TRAK1: variants seen among roughly 807,000 people sequenced by gnomAD.
TRAK1 encodes the protein trafficking kinesin-binding protein 1.
Under a neutral mutation model 92.1 loss-of-function variants are expected in TRAK1, and 33 were observed. The ratio of observed to expected loss-of-function variants is 0.36; its 90% CI spans 0.27 to 0.48. The LOEUF (loss-of-function observed/expected upper bound fraction) is 0.48, where lower values mean the gene tolerates loss of function less well. Among genes scored for constraint, TRAK1 ranks in the 20% least tolerant of loss-of-function variants. The probability of loss-of-function intolerance (pLI) is 0.99; values close to 1 mark genes in which losing one functional copy is unlikely to be tolerated. For missense variants in TRAK1, 1,123 were observed against 1,257.9 expected (o/e 0.89, Z 1.62); for synonymous variants, 521 against 517.3 (o/e 1.01, Z -0.10).
rs1479864065 is a variant in TRAK1, at chr3:42,223,686, C to T, written c.2811C>T (p.Thr937=). The change falls in exon 16 of 16, where the codon ACC becomes ACT. Residue 937 remains threonine (T), a synonymous_variant. Coordinates refer to ENST00000327628, the MANE Select transcript of TRAK1 (RefSeq NM_001042646.3). The surrounding 1 kb of genome is among the most constrained non-coding windows in gnomAD (Gnocchi z 6.1). The part of the protein sequence containing the change: ...SMQMKAPVTL[T]SGILMGAKLS... ...AGATGAAAGCTCCTGTGACTCTCAC[C>T]TCGGGCATCTTGATGGGTGCTAAGC... The T allele has an allele frequency of 1.2e-6, 2 of 1,613,888 alleles. No homozygotes were observed. Among genetic ancestry groups the T allele is most frequent in the Non-Finnish European group, 8.5e-7 (1 of 1,179,810 alleles).
chr3:42,186,205 C>T (rs1704824514), intron 4 of TRAK1, among the ~76,000 whole-genome samples: 1 of 151,992 alleles, frequency 6.6e-6, no homozygotes, highest in African/African-American at 2.4e-5. Flanking sequence ...TGGTCTCAAA[C>T]TCCTGGGCTC....
chr3:42,193,258 G>A, intron 8 of TRAK1, 53 bp downstream of exon 8: 1 of 1,601,768 alleles, frequency 6.2e-7, no homozygotes, highest in South Asian at 1.1e-5. Flanking sequence ...GCTGAGACGG[G>A]GAAGGGACAT....
intron 1 of TRAK1, among the ~76,000 whole-genome samples, chr3:42,057,771 G>T (rs1028610855): frequency 2.6e-5 from 4 of 152,122 alleles, no homozygotes; most frequent in Non-Finnish European, 5.9e-5. Flanking sequence ...TGCATCTTGG[G>T]CAGGCCACAT....
chr3:42,191,965 G>A (rs866825504), intron 7 of TRAK1, among the ~76,000 whole-genome samples: 1 of 125,700 alleles, frequency 8.0e-6, no homozygotes, highest in Non-Finnish European at 1.6e-5. Context: ...CAGTAGTTGC[G>A]ATCTCGGCTC....
chr3:42,212,716 C>T (rs886948263), intron 14 of TRAK1: 6 of 354,086 alleles, frequency 1.7e-5, no homozygotes, highest in Non-Finnish European at 2.4e-5. Context: ...TCATCTTTTT[C>T]TGTCAGTACT....
chr3:42,202,605 C>T lies in TRAK1; in HGVS notation c.1597C>T (p.Leu533=), dbSNP rs1707783812. ...CCAGGAGCTGGCGGAGAAGGGCGAG[C>T]TGCGCAGCGGCTCCCTCACACCCAC... The part of the protein sequence containing the change: ...KLQELAEKGE[L]RSGSLTPTES... The change falls in exon 13 of 16, where the codon CTG becomes TTG. Residue 533 remains leucine, a synonymous_variant. Coordinates refer to ENST00000327628, the MANE Select transcript of TRAK1 (RefSeq NM_001042646.3). This position sits in a 1 kb window ranked among gnomAD's most constrained non-coding sequence, Gnocchi z 6.1. The T allele has an allele frequency of 6.3e-7, 1 of 1,594,966 alleles. No individual in the cohort carries two copies. Among genetic ancestry groups the T allele is most frequent in the Non-Finnish European group, 8.6e-7 (1 of 1,165,342 alleles).
intron 1 of TRAK1, among the ~76,000 whole-genome samples, chr3:42,033,357 T>A (rs192972085): frequency 6.6e-6 from 1 of 152,270 alleles, no homozygotes; most frequent in Admixed American, 6.5e-5. Context: ...AACCTCAAAT[T>A]CTGGATTCAG....
At position 42,184,753 on chromosome 3, in the gene TRAK1, C is replaced by A. The variant is rs11544368; in HGVS notation, c.432C>A (p.Thr144=). Residue 144 remains threonine, a synonymous_variant, in exon 4 of 16, where the codon ACC becomes ACA. Transcript: ENST00000327628. The part of the protein sequence containing the change: ...QSLLKKNKTL[T]ERNELLEEQV... ...TGTTGAAGAAGAACAAGACCCTAAC[C>A]GAGAGGAACGAGCTGCTGGAGGAGC... is the stretch of plus-strand genomic sequence containing the variant. The A allele has an allele frequency of 3.1e-6, 5 of 1,613,942 alleles. No homozygotes were observed. The African/African-American group carries it at 4.0e-5, about 13-fold the overall frequency.
At chr3:42,080,453 C>T (rs188831057) in intron 1 of TRAK1, among the ~76,000 whole-genome samples, 1 of 152,314 alleles carries the variant, frequency 6.6e-6, no homozygotes, top group African/African-American at 2.4e-5. Context: ...TGCCTTCCTG[C>T]AGCTCTCTAG....
At chr3:42,131,547 T>C (rs150438576) in intron 2 of TRAK1, among the ~76,000 whole-genome samples, 4,489 of 151,584 alleles carry the variant, frequency 0.03, 234 homozygotes, top group African/African-American at 0.1. Flanking sequence ...CGAAACTCCA[T>C]CTCTACTAAA....
At chr3:42,150,884 T>C (rs1699878014) in intron 2 of TRAK1, among the ~76,000 whole-genome samples, 1 of 152,238 alleles carries the variant, frequency 6.6e-6, no homozygotes, top group South Asian at 2.1e-4. Flanking sequence ...GGGGAAAAGA[T>C]GAGTGAATTT....
At chr3:42,143,736 G>A (rs182830176) in intron 2 of TRAK1, among the ~76,000 whole-genome samples, 25 of 152,168 alleles carry the variant, frequency 1.6e-4, no homozygotes, top group Middle Eastern at 3.4e-3. Context: ...CTGCTTTTTC[G>A]GCTGCAGTAA....
At chr3:42,207,444 G>A (rs1708462108) in intron 13 of TRAK1, among the ~76,000 whole-genome samples, 2 of 152,134 alleles carry the variant, frequency 1.3e-5, no homozygotes, top group African/African-American at 4.8e-5. Context: ...GGTTTTGATG[G>A]GTGGGCAGTG....
chr3:42,105,585 G>A lies in TRAK1; in HGVS notation c.91+14025G>A, dbSNP rs559362956. ...GATGGGGAGAATGGAACCAAGTTGG[G>A]AAACACTCTTCAGGATATTATCCAG... On this transcript the variant is annotated intron_variant, in intron 1 of 15. Coordinates refer to ENST00000327628, the MANE Select transcript of TRAK1 (RefSeq NM_001042646.3). Among the ~76,000 whole-genome samples the A allele has an allele frequency of 5.1e-3, 781 of 152,292 alleles. 5 individuals are homozygous for A. The highest frequency in any genetic ancestry group is 8.0e-3 in the Non-Finnish European group (545 of 68,036).
In TRAK1 at chr3:42,223,279, A is replaced by G; in HGVS notation, c.2404A>G (p.Thr802Ala). 6.2e-7 allele frequency: 1 copy of G among 1,614,186 alleles called. No individual in the cohort carries two copies. The highest frequency in any genetic ancestry group is 1.1e-5 in the South Asian group (1 of 91,078). ...CCCACCCTCCTTTGAGTTCAAGTGC[A>G]CGAGCCCTCCCTACGACAATTTCCT... The part of the protein sequence containing the change: ...SSPPSFEFKC[T>A]SPPYDNFLAS... Residue 802 changes from threonine (T) to alanine (A), a missense_variant, in exon 16 of 16, where the codon ACG becomes GCG. Physicochemically the swap from Thr to Ala is moderately conservative, Grantham distance 58. Around this residue, in one of 3 missense-constraint regions of TRAK1, gnomAD observed 401 missense variants for 438.9 expected, o/e 0.91. Transcript: ENST00000327628. This position sits in a 1 kb window ranked among gnomAD's most constrained non-coding sequence, Gnocchi z 6.1.
In TRAK1 at chr3:42,108,439, T is replaced by C. The variant is rs1042258888; in HGVS notation, c.91+16879T>C. 8.1e-5 allele frequency among the ~76,000 whole-genome samples: 12 copies of C among 148,720 alleles called. No homozygotes were observed. The East Asian group carries it at 1.8e-3, about 22-fold the overall frequency. On this transcript the variant is annotated intron_variant, in intron 1 of 15. Transcript: ENST00000327628. ...CCAGGAAGTTGAGGCTGCAGTGAGCTGTGATCGTACCACTGCACTCCAGCG... is the reference window on the plus strand; with the variant it reads ...CCAGGAAGTTGAGGCTGCAGTGAGCCGTGATCGTACCACTGCACTCCAGCG...
chr3:42,183,375 G>A (rs533758768), intron 3 of TRAK1, among the ~76,000 whole-genome samples: 1 of 151,904 alleles, frequency 6.6e-6, no homozygotes, highest in Admixed American at 6.6e-5. Context: ...GGCCAACGTG[G>A]TGAAACCCTG....
chr3:42,077,009 T>C (rs1054423005), intron 1 of TRAK1, among the ~76,000 whole-genome samples: 5 of 152,248 alleles, frequency 3.3e-5, no homozygotes, highest in African/African-American at 1.2e-4. Flanking sequence ...TTTATACCAG[T>C]ACCATGCTGT....
At chr3:42,123,791 A>G (rs534306087) in intron 1 of TRAK1, among the ~76,000 whole-genome samples, 1 of 151,970 alleles carries the variant, frequency 6.6e-6, no homozygotes, top group South Asian at 2.1e-4. Context: ...CACTTGATCC[A>G]GGTTCTTATT....
Sources: allele counts gnomAD v4.1 joint callset (sites outside exome capture counted in the v4.1 genomes callset), GRCh38; gene constraint gnomAD v4.1.1; regional missense constraint gnomAD v4.1.1; non-coding constraint Gnocchi (gnomAD v3.1); transcripts MANE v1.5; gene names NCBI Gene and HGNC (gene_info 2026-07-23, HGNC 2026-07-21).